TTLL10: variants seen among roughly 807,000 people sequenced by gnomAD.
The protein encoded by TTLL10 is inactive polyglycylase TTLL10.
TTLL10 carries 61 observed loss-of-function variants against 69.0 expected under a neutral mutation model. The ratio of observed to expected loss-of-function variants is 0.88; its 90% CI spans 0.72 to 1.09. The LOEUF (loss-of-function observed/expected upper bound fraction) is 1.09, where lower values mean the gene tolerates loss of function less well. Among genes scored for constraint, TTLL10 ranks in the 50% least tolerant of loss-of-function variants. The pLI is 0.00. For synonymous variants in TTLL10, 408 were observed against 393.3 expected (o/e 1.04, Z -0.44); for missense variants, 962 against 945.9 (o/e 1.02, Z -0.22).
intron 13 of TTLL10, among the ~76,000 whole-genome samples, chr1:1,186,261 G>A (rs1163291685): frequency 1.3e-5 from 2 of 152,034 alleles, no homozygotes; most frequent in African/African-American, 4.8e-5. Context: ...GCTAATTTTT[G>A]TATTTTTAGT....
intron 3 of TTLL10, among the ~76,000 whole-genome samples, chr1:1,178,291 G>C (rs1489359537): frequency 1.3e-5 from 2 of 152,180 alleles, no homozygotes; most frequent in East Asian, 3.9e-4. Flanking sequence ...CGGGCACAGT[G>C]GCTCACACCT....
chr1:1,197,695 C>T lies in TTLL10; in HGVS notation c.1870C>T (p.Pro624Ser), dbSNP rs1294824910. The T allele has an allele frequency of 6.6e-7, 1 of 1,511,672 alleles. No homozygotes were observed. The highest frequency in any genetic ancestry group is 1.2e-5 in the South Asian group (1 of 81,778). The allele number at this position is 1,511,672 out of a possible 1,614,324, so 93.6% of individuals were successfully genotyped here. A position where few individuals can be genotyped will look rare whatever the true frequency, so the allele number is the denominator to read the frequency against. ...TCCCTTGGTGCCGCAGCGTCCCCGG[C>T]CACCCGGCCCCGACCTGGACAGCGC... ...PPPLVPQRPR[P>S]PGPDLDSAHD... The change falls in exon 16 of 16, where the codon CCA becomes TCA. Residue 624 changes from proline (P) to serine (S), a missense_variant. By Grantham distance (74) the Pro-to-Ser change is moderately conservative (BLOSUM62 -1). Coordinates refer to ENST00000379289, the MANE Select transcript of TTLL10 (RefSeq NM_001130045.2).
Position 1,179,144 on chromosome 1 carries a change from G to A in TTLL10, c.-27-45G>A, listed in dbSNP as rs368507121. Reference sequence around the variant, plus strand: ...CATCCAAGCACTGGGGCCTCGGGCCGCGCGGAGGTCCCACAGGAGGGTCAG... The same window carrying A: ...CATCCAAGCACTGGGGCCTCGGGCCACGCGGAGGTCCCACAGGAGGGTCAG... On this transcript the variant is annotated intron_variant, in intron 3 of 15. Coordinates refer to ENST00000379289, the MANE Select transcript of TTLL10 (RefSeq NM_001130045.2). 3.0e-3 allele frequency: 3,954 copies of A among 1,324,964 alleles called. 158 individuals carry two copies. In the South Asian group the frequency reaches 0.055, roughly 19 times the overall value. The allele number at this position is 1,324,964 out of a possible 1,614,324, so 82.1% of individuals were successfully genotyped here.
At chr1:1,182,752 A>G (rs2100878037) in intron 10 of TTLL10, 124 bp from the exon 11 acceptor site, 1 of 1,341,930 alleles carries the variant, frequency 7.5e-7, no homozygotes, top group East Asian at 2.5e-5. Flanking sequence ...TGGTTAGCGC[A>G]GGGCCAAGGT....
chr1:1,192,573 GTTGATATCAGTGTAGACACTCCAA>G (rs1258047402), intron 13 of TTLL10, among the ~76,000 whole-genome samples: 3 of 151,528 alleles, frequency 2.0e-5, no homozygotes, highest in Non-Finnish European at 2.9e-5. Flanking sequence ...AGACAATCCA[GTTGATATCAGTGTAGACACTCCAA>G]TTGATATCAG....
At position 1,185,136 on chromosome 1, in the gene TTLL10, G is replaced by C. The variant is rs1647224373; in HGVS notation, c.1401+27G>C. On this transcript the variant is annotated intron_variant, in intron 13 of 15. Coordinates refer to ENST00000379289, the MANE Select transcript of TTLL10 (RefSeq NM_001130045.2). The surrounding 1 kb of genome is among the most constrained non-coding windows in gnomAD (Gnocchi z 6.1). ...TGCGTCCACTGTGCCCTCCAGTCTG[G>C]GAGTGAGATCCCTCGGGGCGGGGGT... The C allele has an allele frequency of 1.7e-5, 27 of 1,605,084 alleles. No homozygotes were observed. The highest frequency in any genetic ancestry group is 1.6e-4 in the African/African-American group (12 of 74,608).
chr1:1,186,855 T>G (rs1229060207), intron 13 of TTLL10, among the ~76,000 whole-genome samples: 1 of 151,210 alleles, frequency 6.6e-6, no homozygotes, highest in African/African-American at 2.4e-5. Context: ...TTTTTGTTTT[T>G]TTTTTTTTGA....
intron 13 of TTLL10, among the ~76,000 whole-genome samples, chr1:1,193,195 A>G (rs1272532462): frequency 2.6e-5 from 4 of 151,970 alleles, no homozygotes; most frequent in Non-Finnish European, 5.9e-5. Context: ...CGTGGTGGTG[A>G]GCAACTGTAG....
rs1647059320 is a variant in TTLL10, at chr1:1,181,247, C to T, written c.755+387C>T. On this transcript the variant is annotated intron_variant, in intron 8 of 15. Coordinates refer to ENST00000379289, the MANE Select transcript of TTLL10 (RefSeq NM_001130045.2). This position sits in a 1 kb window ranked among gnomAD's most constrained non-coding sequence, Gnocchi z 4.6. Reference sequence around the variant, plus strand: ...CACAGACCCACCCAGGTACAACCCACCTGTCAATCTGCCTTCACCCCAAAC... The same window carrying T: ...CACAGACCCACCCAGGTACAACCCATCTGTCAATCTGCCTTCACCCCAAAC... 6.6e-6 allele frequency among the ~76,000 whole-genome samples: 1 copy of T among 151,910 alleles called. No homozygotes were observed. Among genetic ancestry groups the T allele is most frequent in the South Asian group, 2.1e-4 (1 of 4,816 alleles).
At chr1:1,186,026 T>C (rs909319510) in intron 13 of TTLL10, among the ~76,000 whole-genome samples, 1 of 152,142 alleles carries the variant, frequency 6.6e-6, no homozygotes, top group African/African-American at 2.4e-5. Flanking sequence ...CTCTCTCTCC[T>C]GTCTCCTTTC....
chr1:1,176,857 C>T (rs1453043197), intron 3 of TTLL10, among the ~76,000 whole-genome samples: 1 of 152,226 alleles, frequency 6.6e-6, no homozygotes, highest in Admixed American at 6.5e-5. Flanking sequence ...ATTTTTAATT[C>T]CCACCGGCTC....
At chr1:1,180,390 G>A in intron 6 of TTLL10, 50 bp downstream of exon 6, 1 of 1,540,158 alleles carries the variant, frequency 6.5e-7, no homozygotes, top group South Asian at 1.2e-5. Flanking sequence ...CCCACCGCCT[G>A]CTCCCGGGGC....
At chr1:1,182,500 C>G in intron 10 of TTLL10, 54 bp downstream of exon 10, 1 of 1,578,982 alleles carries the variant, frequency 6.3e-7, no homozygotes, top group Non-Finnish European at 8.7e-7. Context: ...AGGGTGAGGG[C>G]TGGACCAAGG....
chr1:1,196,551 G>T, intron 13 of TTLL10, 49 bp from the exon 14 acceptor site: 1 of 1,420,596 alleles, frequency 7.0e-7, no homozygotes, highest in South Asian at 1.2e-5. Context: ...CCTGGGGTGT[G>T]ATCAGGGCCT....
chr1:1,195,175 G>A (rs934172250), intron 13 of TTLL10, among the ~76,000 whole-genome samples: 1 of 152,166 alleles, frequency 6.6e-6, no homozygotes, highest in African/African-American at 2.4e-5. Flanking sequence ...ATATTTAGTA[G>A]AGACGAGGTT....
intron 3 of TTLL10, among the ~76,000 whole-genome samples, chr1:1,177,934 A>T (rs1646924848): frequency 6.6e-6 from 1 of 152,172 alleles, no homozygotes; most frequent in African/African-American, 2.4e-5. Context: ...TCCCAGACAC[A>T]GGTGGGGGGC....
At chr1:1,191,411 G>A (rs1284674463) in intron 13 of TTLL10, among the ~76,000 whole-genome samples, 1 of 152,082 alleles carries the variant, frequency 6.6e-6, no homozygotes, top group African/African-American at 2.4e-5. Context: ...GGGCAACACA[G>A]CAAAACCCCA....
In TTLL10 at chr1:1,185,250, A is replaced by T; in HGVS notation, c.1401+141A>T. 1 of 1,449,120 alleles carries T rather than the reference A, an allele frequency of 6.9e-7. No homozygotes were observed. The highest frequency in any genetic ancestry group is 9.1e-7 in the Non-Finnish European group (1 of 1,101,982). The allele number at this position is 1,449,120 out of a possible 1,614,324, so 89.8% of individuals were successfully genotyped here. A position where few individuals can be genotyped will look rare whatever the true frequency, so the allele number is the denominator to read the frequency against. On this transcript the variant is annotated intron_variant, in intron 13 of 15. Transcript: ENST00000379289. The surrounding 1 kb of genome is among the most constrained non-coding windows in gnomAD (Gnocchi z 6.1). The stretch of plus-strand genomic sequence containing the variant: ...GTGTGACCTGACCGTGTGGAACCAA[A>T]CCCTTCCAGCGTCTCTGCTCACTTA...
At chr1:1,175,897 C>T in intron 3 of TTLL10, 1 of 417,052 alleles carries the variant, frequency 2.4e-6, no homozygotes, top group South Asian at 1.7e-5. Context: ...TGCCGCTGTG[C>T]CGGTGGAGAG....
Sources: gnomAD v4.1 joint callset for allele counts (sites outside exome capture counted in the v4.1 genomes callset) on GRCh38, gnomAD v4.1.1 for gene constraint, Gnocchi (gnomAD v3.1) non-coding constraint, MANE v1.5 for transcripts, NCBI Gene and HGNC (gene_info 2026-07-23, HGNC 2026-07-21) for gene names.